Variants in CTDSPL2 observed in about 807,000 individuals in gnomAD.
The protein encoded by CTDSPL2 is CTD small phosphatase like 2.
Under a neutral mutation model 60.0 loss-of-function variants are expected in CTDSPL2, and 5 were observed. The ratio of observed to expected loss-of-function variants is 0.08; its 90% confidence interval spans 0.04 to 0.18. The LOEUF is 0.18. CTDSPL2 is among the 10% of genes least tolerant of loss of function. CTDSPL2 has a pLI of 1.00. For synonymous variants in CTDSPL2, 186 were observed against 189.3 expected (o/e 0.98, Z 0.14); for missense variants, 370 against 548.8 (o/e 0.67, Z 3.26).
chr15:44,498,529 T>A (rs761386750), intron 7 of CTDSPL2, among the ~76,000 whole-genome samples: 52 of 152,254 alleles, frequency 3.4e-4, no homozygotes, highest in Middle Eastern at 6.8e-3. Context: ...GAGGCGGCAG[T>A]GAGCTACAAT....
intron 12 of CTDSPL2, among the ~76,000 whole-genome samples, chr15:44,521,937 C>CAAA (rs904398715): frequency 0.017 from 1,008 of 60,754 alleles, 319 homozygotes; most frequent in East Asian, 0.045. Flanking sequence ...GACTCCGTCT[C>CAAA]AAAAAAAAAA....
Position 44,467,467 on chromosome 15 carries a change from G to GTGGAAGT in CTDSPL2, c.186+8269_186+8275dup, listed in dbSNP as rs1366897607. Among the ~76,000 whole-genome samples, 13 of 152,054 alleles carry GTGGAAGT rather than the reference G, an allele frequency of 8.5e-5. No individual in the cohort carries two copies. In the East Asian group the frequency reaches 2.5e-3, roughly 29 times the overall value. On this transcript the variant is annotated intron_variant, in intron 2 of 12. Transcript: ENST00000260327. Reference sequence around the variant, plus strand: ...TTTCTTAGTTATCTTTTATTAGTTGGTGGAAGTTCTTTTCTATTCCTGTTT... The same window carrying GTGGAAGT: ...TTTCTTAGTTATCTTTTATTAGTTGGTGGAAGTTGGAAGTTCTTTTCTATTCCTGTTT...
intron 3 of CTDSPL2, among the ~76,000 whole-genome samples, chr15:44,486,040 G>A (rs145404219): frequency 4.0e-4 from 61 of 152,276 alleles, no homozygotes; most frequent in African/African-American, 1.3e-3. Flanking sequence ...CTGAGATGGC[G>A]TCTCAGTGTC....
At chr15:44,456,535 G>A (rs995397877) in intron 1 of CTDSPL2, among the ~76,000 whole-genome samples, 2 of 152,144 alleles carry the variant, frequency 1.3e-5, no homozygotes, top group Non-Finnish European at 2.9e-5. Context: ...GCATAGAGGT[G>A]TTTATAGTAT....
intron 4 of CTDSPL2, among the ~76,000 whole-genome samples, chr15:44,488,271 G>A (rs776992521): frequency 1.3e-5 from 2 of 152,136 alleles, no homozygotes; most frequent in Non-Finnish European, 2.9e-5. Flanking sequence ...GCCATAGGCA[G>A]GTAGAACAAT....
intron 8 of CTDSPL2, chr15:44,502,073 C>G: frequency 2.3e-6 from 1 of 441,012 alleles, no homozygotes; most frequent in Non-Finnish European, 4.5e-6. Context: ...AAATCTTTAA[C>G]CACTGTACTA....
At position 44,524,241 on chromosome 15, in the gene CTDSPL2, C is replaced by T; in HGVS notation, c.*67C>T. Reference sequence around the variant, plus strand: ...GGACCCTTTTGGACTAAGACAAAAACATTGCCATTACTGTTGAAATTTTGC... The same window carrying T: ...GGACCCTTTTGGACTAAGACAAAAATATTGCCATTACTGTTGAAATTTTGC... On this transcript the variant is annotated 3_prime_UTR_variant, in exon 13 of 13. Transcript: ENST00000260327. 7.5e-7 allele frequency: 1 copy of T among 1,333,016 alleles called. No homozygotes were observed. The highest frequency in any genetic ancestry group is 1.2e-5 in the South Asian group (1 of 84,202). 82.6% of individuals were successfully genotyped at this position (1,333,016 alleles called of 1,614,324 possible).
At chr15:44,484,459 G>A in intron 3 of CTDSPL2, 97 bp downstream of exon 3, 1 of 1,173,788 alleles carries the variant, frequency 8.5e-7, no homozygotes, top group Non-Finnish European at 1.2e-6. Flanking sequence ...TTGAGGCCGG[G>A]TGCAGTGGCT....
intron 1 of CTDSPL2, among the ~76,000 whole-genome samples, chr15:44,442,003 G>C (rs1186370278): frequency 6.6e-6 from 1 of 152,170 alleles, no homozygotes; most frequent in Non-Finnish European, 1.5e-5. Context: ...TCCCCAATTA[G>C]CGCTGGATTG....
chr15:44,430,611 A>G (rs1284149800), intron 1 of CTDSPL2, among the ~76,000 whole-genome samples: 17 of 152,188 alleles, frequency 1.1e-4, no homozygotes, highest in Admixed American at 1.1e-3. Flanking sequence ...ATAATGAATA[A>G]AATGGTTTGC....
At chr15:44,468,334 ATTAAT>A (rs2080737863) in intron 2 of CTDSPL2, among the ~76,000 whole-genome samples, 2 of 151,498 alleles carry the variant, frequency 1.3e-5, no homozygotes, top group South Asian at 4.2e-4. Flanking sequence ...GTTGGTATTT[ATTAAT>A]TTAATACTGT....
chr15:44,439,812 G>C (rs2080049222), intron 1 of CTDSPL2, among the ~76,000 whole-genome samples: 1 of 152,094 alleles, frequency 6.6e-6, no homozygotes, highest in South Asian at 2.1e-4. Context: ...TCAGGTTGTT[G>C]CTGATGTTAT....
At chr15:44,455,939 C>A (rs1378639675) in intron 1 of CTDSPL2, among the ~76,000 whole-genome samples, 1 of 149,450 alleles carries the variant, frequency 6.7e-6, no homozygotes, top group Non-Finnish European at 1.5e-5. Flanking sequence ...AGGCTCCGCC[C>A]CCTGGGGTTC....
chr15:44,521,804 A>G (rs975672234), intron 12 of CTDSPL2, among the ~76,000 whole-genome samples: 1 of 150,938 alleles, frequency 6.6e-6, no homozygotes, highest in Non-Finnish European at 1.5e-5. Context: ...CGGGCGTGGT[A>G]GCGGGCGCCT....
At position 44,459,103 on chromosome 15, in the gene CTDSPL2, TTGA is replaced by T. The variant is rs1567071122; in HGVS notation, c.94_96del (p.Asp32del). The T allele has an allele frequency of 6.2e-7, 1 of 1,613,016 alleles. No individual in the cohort carries two copies. The highest frequency in any genetic ancestry group is 1.3e-5 in the African/African-American group (1 of 74,924). On this transcript the variant is annotated inframe_deletion, in exon 2 of 13. Transcript: ENST00000260327. ...AGAGCAAAGAGGAAATATTCAGAGGTTGATGATAGCCTGCCTTCAGGAGGAGAA... is the reference window on the plus strand; with the variant it reads ...AGAGCAAAGAGGAAATATTCAGAGGTTGATAGCCTGCCTTCAGGAGGAGAA...
chr15:44,455,797 T>G (rs915660593), intron 1 of CTDSPL2, among the ~76,000 whole-genome samples: 2 of 152,140 alleles, frequency 1.3e-5, no homozygotes, highest in South Asian at 4.2e-4. Context: ...GATAAGCTTT[T>G]TGATGTGCTG....
intron 8 of CTDSPL2, chr15:44,503,984 T>G (rs2081418009): frequency 6.6e-6 from 1 of 152,218 alleles, no homozygotes; most frequent in Admixed American, 6.5e-5. Flanking sequence ...TTAGCAAAGC[T>G]TACCCGCGTC....
chr15:44,480,267 G>A (rs74736372), intron 2 of CTDSPL2, among the ~76,000 whole-genome samples: 4 of 152,220 alleles, frequency 2.6e-5, no homozygotes, highest in East Asian at 1.9e-4. Context: ...TTGGCCTGCC[G>A]TGGTTTCCAG....
chr15:44,445,836 A>G (rs2080200475), intron 1 of CTDSPL2, among the ~76,000 whole-genome samples: 1 of 144,610 alleles, frequency 6.9e-6, no homozygotes, highest in Non-Finnish European at 1.5e-5. Context: ...ACAGGGTTTC[A>G]CTTTGTTGGC....
Sources: allele counts gnomAD v4.1 joint callset (sites outside exome capture counted in the v4.1 genomes callset), GRCh38; gene constraint gnomAD v4.1.1; transcripts MANE v1.5; gene names NCBI Gene and HGNC (gene_info 2026-07-23, HGNC 2026-07-21).